COL22A1: variants seen among roughly 807,000 people sequenced by gnomAD.
COL22A1 encodes the protein collagen type XXII alpha 1 chain.
Under a neutral mutation model 248.9 loss-of-function variants are expected in COL22A1, and 221 were observed. The observed-to-expected ratio is 0.89, with a 90% confidence interval of 0.80 to 0.99. COL22A1 has a LOEUF of 0.99. Among genes scored for constraint, COL22A1 ranks in the 50% least tolerant of loss-of-function variants. The pLI is 0.00. For missense variants in COL22A1, 2,240 were observed against 2,179.0 expected, an observed-to-expected ratio of 1.03 and a Z score of -0.56; for synonymous variants, 891 against 793.4, an observed-to-expected ratio of 1.12 and a Z score of -2.07.
In COL22A1 at chr8:138,723,836, C is replaced by G. The variant is rs1186711025; in HGVS notation, c.2247+779G>C. Among the ~76,000 whole-genome samples the G allele has an allele frequency of 3.9e-5, 6 of 152,178 alleles. No individual in the cohort carries two copies. The South Asian group carries it at 1.0e-3, about 26-fold the overall frequency. The stretch of plus-strand genomic sequence containing the variant: ...TTACCACGACCACAGGCCCCCTGGG[C>G]GCCTTGATCCACATTCTCCCATGGA... On this transcript the variant is annotated intron_variant, in intron 25 of 64. Coordinates refer to ENST00000303045, the MANE Select transcript of COL22A1 (RefSeq NM_152888.3).
At chr8:138,628,529 T>C (rs1319039415) in intron 50 of COL22A1, among the ~76,000 whole-genome samples, 2 of 152,130 alleles carry the variant, frequency 1.3e-5, no homozygotes, top group Non-Finnish European at 1.5e-5. Context: ...AGAGTGAAAC[T>C]GTTTCAGAAG....
intron 4 of COL22A1, among the ~76,000 whole-genome samples, chr8:138,839,320 T>C (rs1820686419): frequency 1.3e-5 from 2 of 152,092 alleles, no homozygotes; most frequent in South Asian, 4.1e-4. Context: ...GTACACTGGC[T>C]GGGAATAGGG....
Position 138,589,428 on chromosome 8 carries a change from T to G in COL22A1, c.4706A>C (p.Glu1569Ala). ...AAGTCCATCTTTAGCATAGCCAGGT[T>G]CCCCGGGTTGACCTGGCCCAAGGAG... ...GPPGIPGQPG[E>A]PGYAKDGLPG... Residue 1569 changes from glutamate (E) to alanine (A), a missense_variant, in exon 65 of 65, where the codon GAA becomes GCA. Coordinates refer to ENST00000303045, the MANE Select transcript of COL22A1 (RefSeq NM_152888.3). 6.4e-7 allele frequency: 1 copy of G among 1,561,752 alleles called. No homozygotes were observed. Among genetic ancestry groups the G allele is most frequent in the East Asian group, 2.4e-5 (1 of 42,402 alleles).
chr8:138,660,315 G>T, intron 44 of COL22A1, 121 bp downstream of exon 44: 1 of 801,318 alleles, frequency 1.2e-6, no homozygotes, highest in Non-Finnish European at 2.1e-6. Flanking sequence ...AGTTTCCTCT[G>T]CCCACAGTTT....
intron 46 of COL22A1, among the ~76,000 whole-genome samples, chr8:138,648,877 C>T (rs1822440874): frequency 2.0e-5 from 3 of 152,094 alleles, no homozygotes; most frequent in South Asian, 2.1e-4. Context: ...CTAAGTATTG[C>T]TTATCTTGAG....
At chr8:138,794,865 C>T (rs1176343115) in intron 12 of COL22A1, among the ~76,000 whole-genome samples, 3 of 151,932 alleles carry the variant, frequency 2.0e-5, no homozygotes, top group Non-Finnish European at 2.9e-5. Flanking sequence ...AGTCAAATTC[C>T]TAGAATTAAA....
intron 45 of COL22A1, among the ~76,000 whole-genome samples, chr8:138,654,251 ATAAAAGCCTGTAATAAACAG>A (rs952121973): frequency 2.6e-5 from 4 of 152,182 alleles, no homozygotes; most frequent in Admixed American, 6.5e-5. Flanking sequence ...ATCCAGGCTA[ATAAAAGCCTGTAATAAACAG>A]AAGATTGAAT....
chr8:138,676,413 A>AAGAAAGAAAGAAAGAAAGAAAG, intron 41 of COL22A1, 145 bp downstream of exon 41: 4 of 325,164 alleles, frequency 1.2e-5, no homozygotes, highest in East Asian at 6.3e-5. Flanking sequence ...AAAAGAAAGA[A>AAGAAAGAAAGAAAGAAAGAAAG]AAAGAAAGAA....
rs746421839 is a variant in COL22A1 at position 138,688,969 on chromosome 8, C to T, written c.2810G>A (p.Gly937Asp). The T allele has an allele frequency of 7.4e-6, 12 of 1,612,382 alleles. No individual in the cohort carries two copies. In the South Asian group the frequency reaches 1.2e-4, roughly 16 times the overall value. Reference protein sequence around the residue: ...PGPSGPPGSVGAPGLRGTPGK... With the variant: ...PGPSGPPGSVDAPGLRGTPGK... ...TGGGGTGCCTCTGAGGCCGGGAGCA[C>T]CCTGTGGCAAGGAAGATTACGGACA... Residue 937 changes from glycine to aspartate, a missense_variant and splice_region_variant, in exon 37 of 65, where the codon GGT (glycine) becomes GAT (aspartate). By Grantham distance (94) the Gly-to-Asp change is moderately conservative. Coordinates refer to ENST00000303045, the MANE Select transcript of COL22A1 (RefSeq NM_152888.3).
intron 2 of COL22A1, among the ~76,000 whole-genome samples, chr8:138,878,990 A>G (rs1823970106): frequency 1.4e-5 from 2 of 143,988 alleles, no homozygotes; most frequent in Non-Finnish European, 3.0e-5. Flanking sequence ...CCTGGGCGAC[A>G]GAGCGAGACT....
At chr8:138,633,960 G>A (rs924437087) in intron 49 of COL22A1, among the ~76,000 whole-genome samples, 1 of 152,200 alleles carries the variant, frequency 6.6e-6, no homozygotes, top group Admixed American at 6.5e-5. Flanking sequence ...GGAGGAAAAT[G>A]TGTTGAATAT....
chr8:138,621,388 C>T (rs1819790284), intron 52 of COL22A1, among the ~76,000 whole-genome samples: 1 of 152,202 alleles, frequency 6.6e-6, no homozygotes, highest in East Asian at 1.9e-4. Flanking sequence ...CAGTTGCCAG[C>T]CTGCCTTTCC....
intron 50 of COL22A1, among the ~76,000 whole-genome samples, chr8:138,626,533 A>C (rs1820252985): frequency 6.6e-6 from 1 of 152,184 alleles, no homozygotes; most frequent in African/African-American, 2.4e-5. Context: ...CAGTGGGAAG[A>C]AGCTATTCGG....
At chr8:138,604,198 G>A (rs1223484821) in intron 59 of COL22A1, among the ~76,000 whole-genome samples, 8 of 152,124 alleles carry the variant, frequency 5.3e-5, no homozygotes, top group Admixed American at 5.2e-4. Flanking sequence ...GGGAGTGGTG[G>A]GACTGTGGCA....
intron 45 of COL22A1, among the ~76,000 whole-genome samples, chr8:138,652,202 G>A (rs889203139): frequency 4.6e-5 from 7 of 152,220 alleles, no homozygotes; most frequent in Admixed American, 3.3e-4. Context: ...ATTGAAACTG[G>A]ATAGGGTTGT....
intron 35 of COL22A1, among the ~76,000 whole-genome samples, chr8:138,691,721 T>C (rs1275895465): frequency 6.8e-6 from 1 of 146,800 alleles, no homozygotes; most frequent in Non-Finnish European, 1.5e-5. Context: ...TGTTTATGTG[T>C]GTACATGTGA....
intron 22 of COL22A1, among the ~76,000 whole-genome samples, chr8:138,743,169 C>T (rs1160425970): frequency 8.7e-4 from 59 of 67,542 alleles, no homozygotes; most frequent in South Asian, 1.6e-3. Context: ...GTAGTGATCA[C>T]GATGGTGATG....
intron 18 of COL22A1, among the ~76,000 whole-genome samples, chr8:138,758,681 C>A (rs2131378089): frequency 6.6e-6 from 1 of 152,308 alleles, no homozygotes; most frequent in Admixed American, 6.5e-5. Context: ...TAAGATTTGT[C>A]TCAAGGATGT....
intron 23 of COL22A1, among the ~76,000 whole-genome samples, chr8:138,734,120 T>C (rs1253978351): frequency 6.6e-6 from 1 of 152,202 alleles, no homozygotes; most frequent in Non-Finnish European, 1.5e-5. Flanking sequence ...CTGCCTCTGT[T>C]GCTCCCCGAA....
Sources: gnomAD v4.1 joint callset for allele counts (sites outside exome capture counted in the v4.1 genomes callset) on GRCh38, gnomAD v4.1.1 for gene constraint, MANE v1.5 for transcripts, NCBI Gene and HGNC (gene_info 2026-07-23, HGNC 2026-07-21) for gene names.